MCTS1: variants seen among roughly 807,000 people sequenced by gnomAD.
The protein encoded by MCTS1 is MCTS1 re-initiation and release factor.
For missense variants in MCTS1, 55 were observed against 128.6 expected, an observed-to-expected ratio of 0.43 and a Z score of 2.77; for synonymous variants, 26 against 40.8, an observed-to-expected ratio of 0.64 and a Z score of 1.38.
Position 120,608,244 on chromosome X carries a change from C to T in MCTS1, c.282C>T (p.His94=). The T allele has an allele frequency of 8.3e-7, 1 of 1,198,972 alleles. No homozygotes were observed. Among genetic ancestry groups the T allele is most frequent in the South Asian group, 1.8e-5 (1 of 55,154 alleles). ...LLHKYPFILP[H]QQVDKGAIKF... is the part of the protein sequence containing the mutation. ...TTACAGATCCTTTTATCCTGCCACA[C>T]CAGCAGGTTGATAAAGGAGCCATCA... The change falls in exon 4 of 6, where the codon CAC becomes CAT. Residue 94 remains histidine (H), a synonymous_variant. Coordinates refer to ENST00000371317, the MANE Select transcript of MCTS1 (RefSeq NM_014060.3).
Position 120,614,549 on chromosome X carries a change from C to T in MCTS1, c.*2285C>T, listed in dbSNP as rs750809971. 4.5e-5 allele frequency among the ~76,000 whole-genome samples: 5 copies of T among 111,738 alleles called. No individual in the cohort carries two copies. The highest frequency in any genetic ancestry group is 7.5e-5 in the Non-Finnish European group (4 of 53,146). ...TACCATATTATTTATTCCTGGTCCA[C>T]GAAAGTATAAATAGTCTCATCAGGA... On this transcript the variant is annotated 3_prime_UTR_variant, in exon 6 of 6. Coordinates refer to ENST00000371317, the MANE Select transcript of MCTS1 (RefSeq NM_014060.3).
chrX:120,604,920 C>T, intron 1 of MCTS1: 2 of 1,095,115 alleles, frequency 1.8e-6, no homozygotes, highest in Non-Finnish European at 2.4e-6. Context: ...TCTTAGAAAT[C>T]ATTATTATCA....
chrX:120,604,451 T>C (rs1926476627), intron 1 of MCTS1: 1 of 531,220 alleles, frequency 1.9e-6, no homozygotes, highest in African/African-American at 2.4e-5. Flanking sequence ...TGGGTTTCAG[T>C]CCCTCCACTC....
chrX:120,620,256 T>A lies in MCTS1; in HGVS notation c.*7992T>A, dbSNP rs1419166607. Among the ~76,000 whole-genome samples, 1 of 105,952 alleles carries A rather than the reference T, an allele frequency of 9.4e-6. No homozygotes were observed. Among genetic ancestry groups the A allele is most frequent in the East Asian group, 3.1e-4 (1 of 3,273 alleles). 92.0% of individuals were successfully genotyped at this position (105,952 alleles called of 115,157 possible). ...CCGGGAGGCGGAGCTTGCAGTGAGC[T>A]GAGATCGCACCACTGCATTCCAGCC... On this transcript the variant is annotated 3_prime_UTR_variant, in exon 6 of 6. Coordinates refer to ENST00000371317, the MANE Select transcript of MCTS1 (RefSeq NM_014060.3).
chrX:120,612,731 A>T lies in MCTS1; in HGVS notation c.*467A>T, dbSNP rs1332632802. Among the ~76,000 whole-genome samples the T allele has an allele frequency of 1.9e-5, 2 of 106,727 alleles. No individual in the cohort carries two copies. Among genetic ancestry groups the T allele is most frequent in the Admixed American group, 1.0e-4 (1 of 9,724 alleles). 92.7% of individuals were successfully genotyped at this position (106,727 alleles called of 115,157 possible). On this transcript the variant is annotated 3_prime_UTR_variant, in exon 6 of 6. Coordinates refer to ENST00000371317, the MANE Select transcript of MCTS1 (RefSeq NM_014060.3). Reference sequence around the variant, plus strand: ...TGTGTGTTTTGTTGATTGTTTTTTTAAAAAAAACTTCAATGGAAAATTCTA... The same window carrying T: ...TGTGTGTTTTGTTGATTGTTTTTTTTAAAAAAACTTCAATGGAAAATTCTA...
chrX:120,607,983 A>G (rs1926585724), intron 3 of MCTS1, among the ~76,000 whole-genome samples: 2 of 111,311 alleles, frequency 1.8e-5, no homozygotes, highest in African/African-American at 3.3e-5. Context: ...CATGAGTCCA[A>G]GAGTTCAAGG....
rs766148236 is a variant in MCTS1, at chrX:120,605,591, G to A, written c.164+32G>A. ...CTTTGTTTTTGTCTGTGTAAAGCTC[G>A]GTATAGCTGAATATTTAATGATTAG... On this transcript the variant is annotated intron_variant, in intron 2 of 5. Coordinates refer to ENST00000371317, the MANE Select transcript of MCTS1 (RefSeq NM_014060.3). The A allele has an allele frequency of 6.9e-6, 8 of 1,152,911 alleles. No individual in the cohort carries two copies. The Admixed American group carries it at 1.4e-4, about 20-fold the overall frequency.
intron 4 of MCTS1, 170 bp downstream of exon 4, chrX:120,608,528 T>G (rs1163939249): frequency 3.3e-5 from 17 of 507,800 alleles, no homozygotes; most frequent in Non-Finnish European, 4.6e-5. Flanking sequence ...TAATTTTATT[T>G]GTTGCTACTA....
rs191528799 is a variant in MCTS1 at position 120,617,534 on chromosome X, C to T, written c.*5270C>T. On this transcript the variant is annotated 3_prime_UTR_variant, in exon 6 of 6. Coordinates refer to ENST00000371317, the MANE Select transcript of MCTS1 (RefSeq NM_014060.3). Reference sequence around the variant, plus strand: ...AAATCCCATTTTAAAAGTAAAACCACAGTTTTCATATAACAAATGTTATTG... The same window carrying T: ...AAATCCCATTTTAAAAGTAAAACCATAGTTTTCATATAACAAATGTTATTG... Among the ~76,000 whole-genome samples the T allele has an allele frequency of 4.0e-4, 45 of 111,877 alleles. No homozygotes were observed. Among genetic ancestry groups the T allele is most frequent in the Non-Finnish European group, 7.1e-4 (38 of 53,192 alleles).
rs192065938 is a variant in MCTS1 at position 120,614,910 on chromosome X, C to T, written c.*2646C>T. Among the ~76,000 whole-genome samples the T allele has an allele frequency of 2.9e-4, 33 of 112,364 alleles. No individual in the cohort carries two copies. Among genetic ancestry groups the T allele is most frequent in the Non-Finnish European group, 1.9e-4 (10 of 53,270 alleles). On this transcript the variant is annotated 3_prime_UTR_variant, in exon 6 of 6. Transcript: ENST00000371317. ...AATAATTCATCTTTGTGTCTAACCACTGTTACAGTGGGTGTAAGGAACACT... is the reference window on the plus strand; with the variant it reads ...AATAATTCATCTTTGTGTCTAACCATTGTTACAGTGGGTGTAAGGAACACT...
Position 120,615,645 on chromosome X carries a change from A to T in MCTS1, c.*3381A>T, listed in dbSNP as rs911215906. Among the ~76,000 whole-genome samples the T allele has an allele frequency of 9.2e-6, 1 of 108,715 alleles. No homozygotes were observed. Among genetic ancestry groups the T allele is most frequent in the African/African-American group, 3.3e-5 (1 of 30,012 alleles). The allele number at this position is 108,715 out of a possible 115,157, so 94.4% of individuals were successfully genotyped here. On this transcript the variant is annotated 3_prime_UTR_variant, in exon 6 of 6. Transcript: ENST00000371317. ...CATAGATTGTATCCAATGTGAGGGT[A>T]AAAAAAAAATCCCAGATGTCTTGGA...
chrX:120,609,896 G>A (rs778273164), intron 4 of MCTS1, among the ~76,000 whole-genome samples: 14 of 112,285 alleles, frequency 1.2e-4, no homozygotes, highest in Middle Eastern at 9.3e-3. Context: ...GTACTGCAGT[G>A]TTTAACATTC....
intron 3 of MCTS1, among the ~76,000 whole-genome samples, chrX:120,607,962 C>T (rs996224039): frequency 8.1e-5 from 9 of 111,046 alleles, no homozygotes; most frequent in East Asian, 2.8e-4. Flanking sequence ...GATGCTGAGG[C>T]GGGAAGATTG....
At chrX:120,605,711 T>C in intron 2 of MCTS1, 152 bp downstream of exon 2, 1 of 594,354 alleles carries the variant, frequency 1.7e-6, no homozygotes, top group Non-Finnish European at 2.4e-6. Flanking sequence ...CCAATATTTG[T>C]ATTTTCAAAG....
Position 120,620,263 on chromosome X carries a change from G to A in MCTS1, c.*7999G>A, listed in dbSNP as rs1324235188. ...GCGGAGCTTGCAGTGAGCTGAGATC[G>A]CACCACTGCATTCCAGCCTGGACAA... is the stretch of plus-strand genomic sequence containing the variant. On this transcript the variant is annotated 3_prime_UTR_variant, in exon 6 of 6. Transcript: ENST00000371317. Among the ~76,000 whole-genome samples the A allele has an allele frequency of 2.7e-5, 3 of 109,166 alleles. No homozygotes were observed. Among genetic ancestry groups the A allele is most frequent in the Non-Finnish European group, 5.7e-5 (3 of 52,566 alleles). 94.8% of individuals were successfully genotyped at this position (109,166 alleles called of 115,157 possible). A position where few individuals can be genotyped will look rare whatever the true frequency, so the allele number is the denominator to read the frequency against.
chrX:120,609,007 A>C (rs889329449), intron 4 of MCTS1, among the ~76,000 whole-genome samples: 2 of 111,883 alleles, frequency 1.8e-5, no homozygotes, highest in African/African-American at 6.5e-5. Flanking sequence ...ATAATTCTGC[A>C]TTATTTCCAT....
In MCTS1 at chrX:120,616,155, G is replaced by C. The variant is rs1024192951; in HGVS notation, c.*3891G>C. ...AAAATGTCATAAATATTTTAACTTT[G>C]TTTGTCTAGGTTCCTTAATTTTGAG... On this transcript the variant is annotated 3_prime_UTR_variant, in exon 6 of 6. Coordinates refer to ENST00000371317, the MANE Select transcript of MCTS1 (RefSeq NM_014060.3). Among the ~76,000 whole-genome samples the C allele has an allele frequency of 8.9e-6, 1 of 112,034 alleles. No homozygotes were observed. The highest frequency in any genetic ancestry group is 1.9e-5 in the Non-Finnish European group (1 of 53,171).
intron 5 of MCTS1, 26 bp from the exon 6 acceptor site, chrX:120,612,157 T>G: frequency 9.4e-7 from 1 of 1,060,275 alleles, no homozygotes; most frequent in Non-Finnish European, 1.3e-6. Context: ...TAAAAGTATG[T>G]TTATGTGTTT....
In MCTS1 at chrX:120,612,362, C is replaced by A; in HGVS notation, c.*98C>A. 1.8e-6 allele frequency: 1 copy of A among 564,318 alleles called. No individual in the cohort carries two copies. Among genetic ancestry groups the A allele is most frequent in the Non-Finnish European group, 2.7e-6 (1 of 364,864 alleles). 46.5% of individuals were successfully genotyped at this position (564,318 alleles called of 1,213,427 possible). A position where few individuals can be genotyped will look rare whatever the true frequency, so the allele number is the denominator to read the frequency against. ...CATGAAGATAATGCCTGTGGTTATG[C>A]TGAATAAATTCACCAGATGCTAAAA... On this transcript the variant is annotated 3_prime_UTR_variant, in exon 6 of 6. Coordinates refer to ENST00000371317, the MANE Select transcript of MCTS1 (RefSeq NM_014060.3).
Sources: allele counts gnomAD v4.1 joint callset (sites outside exome capture counted in the v4.1 genomes callset), GRCh38; gene constraint gnomAD v4.1.1; transcripts MANE v1.5; gene names NCBI Gene and HGNC (gene_info 2026-07-23, HGNC 2026-07-21).